Variants in PNISR observed in about 807,000 individuals in gnomAD.
PNISR encodes the protein arginine/serine-rich protein PNISR.
A neutral mutation model predicts 93.4 loss-of-function variants in PNISR; 20 were observed. The ratio of observed to expected loss-of-function variants is 0.21; its 90% CI spans 0.15 to 0.31. The LOEUF is 0.31. Among genes scored for constraint, PNISR ranks in the 10% least tolerant of loss-of-function variants. The pLI is 1.00. For missense variants in PNISR, 893 were observed against 985.4 expected (o/e 0.91, Z 1.25); for synonymous variants, 305 against 306.5 (o/e 0.99, Z 0.05).
intron 2 of PNISR, chr6:99,415,953 A>C (rs1777636012): frequency 6.5e-6 from 1 of 153,674 alleles, no homozygotes; most frequent in African/African-American, 2.4e-5. Flanking sequence ...CTAATCCCTC[A>C]AATGAAGAAC....
chr6:99,418,287 G>A (rs1015414926), intron 1 of PNISR, among the ~76,000 whole-genome samples: 3 of 151,478 alleles, frequency 2.0e-5, no homozygotes, highest in Non-Finnish European at 4.4e-5. Flanking sequence ...ACAGCTGCTC[G>A]CCACCAAGCC....
chr6:99,405,931 G>T, intron 8 of PNISR, 100 bp downstream of exon 8: 1 of 686,696 alleles, frequency 1.5e-6, no homozygotes, highest in Non-Finnish European at 2.4e-6. Flanking sequence ...AATAATACTG[G>T]TCAGCAGTTC....
intron 3 of PNISR, among the ~76,000 whole-genome samples, chr6:99,413,094 CAA>C (rs10708616): frequency 9.9e-5 from 15 of 151,624 alleles, no homozygotes; most frequent in Non-Finnish European, 1.5e-4. Flanking sequence ...ATCACCTTTA[CAA>C]AAAAAAAATC....
Position 99,401,169 on chromosome 6 carries a change from ATCTCCT to A in PNISR, c.1783_1788del (p.Arg595_Arg596del). 6.2e-7 allele frequency: 1 copy of A among 1,613,746 alleles called. No homozygotes were observed. Among genetic ancestry groups the A allele is most frequent in the Non-Finnish European group, 8.5e-7 (1 of 1,179,794 alleles). On this transcript the variant is annotated inframe_deletion, in exon 12 of 12. Coordinates refer to ENST00000369239, the MANE Select transcript of PNISR (RefSeq NM_032870.4). ...TCTCTTTCAATGCTATTTCTATTAG[ATCTCCT>A]TCTATCTCTAATCTTTACCCTAGCC...
intron 8 of PNISR, 109 bp from the exon 9 acceptor site, chr6:99,404,811 C>T: frequency 1.7e-6 from 1 of 603,822 alleles, no homozygotes; most frequent in Non-Finnish European, 2.9e-6. Context: ...GACAGTCTCA[C>T]TCTGTTGCCC....
intron 1 of PNISR, among the ~76,000 whole-genome samples, chr6:99,423,458 A>T (rs1237957294): frequency 4.6e-5 from 7 of 152,132 alleles, no homozygotes; most frequent in African/African-American, 1.7e-4. Flanking sequence ...TTCCAAAGAG[A>T]ACAGTATAAA....
At chr6:99,408,969 A>G (rs6570046) in intron 6 of PNISR, among the ~76,000 whole-genome samples, 146,224 of 152,300 alleles carry the variant, frequency 0.96, 70,477 homozygotes, top group East Asian at 1. Context: ...AATTTAATGT[A>G]AAGGTTTAAA....
chr6:99,408,141 T>A lies in PNISR; in HGVS notation c.804A>T (p.Lys268Asn). The change falls in exon 7 of 12, where the codon AAA (lysine) becomes AAT (asparagine). Residue 268 changes from lysine to asparagine, a missense_variant. By Grantham distance (94) the Lys-to-Asn change is moderately conservative. This residue lies in a region of PNISR where 866 missense variants were observed against 935.1 expected (regional missense o/e 0.93). Coordinates refer to ENST00000369239, the MANE Select transcript of PNISR (RefSeq NM_032870.4). Reference protein sequence around the residue: ...QQRSQLSKKEKKATEDAEGGD... With the variant: ...QQRSQLSKKENKATEDAEGGD... ...CTCCTTCAGCATCTTCTGTGGCCTT[T>A]TTTTCTTTTTTGGACAATTGTGAAC... The A allele has an allele frequency of 1.2e-6, 2 of 1,612,718 alleles. No individual in the cohort carries two copies. Among genetic ancestry groups the A allele is most frequent in the Non-Finnish European group, 1.7e-6 (2 of 1,179,662 alleles).
chr6:99,408,815 G>T (rs1263149064), intron 6 of PNISR, among the ~76,000 whole-genome samples: 2 of 152,188 alleles, frequency 1.3e-5, no homozygotes, highest in Admixed American at 6.5e-5. Context: ...TGCATCAGAT[G>T]AACTAAGAGT....
chr6:99,409,421 G>T, intron 5 of PNISR, 77 bp from the exon 6 acceptor site: 1 of 1,311,970 alleles, frequency 7.6e-7, no homozygotes, highest in Non-Finnish European at 1.1e-6. Flanking sequence ...GTTATGAACT[G>T]GGACAGTAGA....
intron 1 of PNISR, among the ~76,000 whole-genome samples, chr6:99,419,998 C>T (rs1297656015): frequency 1.3e-5 from 2 of 151,926 alleles, no homozygotes; most frequent in East Asian, 3.9e-4. Context: ...CATTCTCCTG[C>T]CTCAGCCTCC....
At chr6:99,405,467 CATAA>C (rs919380337) in intron 8 of PNISR, among the ~76,000 whole-genome samples, 4 of 151,928 alleles carry the variant, frequency 2.6e-5, no homozygotes, top group Non-Finnish European at 4.4e-5. Flanking sequence ...ACTCCATCTC[CATAA>C]ATAAATAAAT....
chr6:99,400,604 T>C lies in PNISR; in HGVS notation c.2354A>G (p.Glu785Gly). The C allele has an allele frequency of 6.2e-7, 1 of 1,614,120 alleles. No homozygotes were observed. The highest frequency in any genetic ancestry group is 8.5e-7 in the Non-Finnish European group (1 of 1,179,996). ...CTTCTTACCAGACCTTTGAGATTTCTCCACGGATCGCGATCGACTATGTTT... is the reference window on the plus strand; with the variant it reads ...CTTCTTACCAGACCTTTGAGATTTCCCCACGGATCGCGATCGACTATGTTT... ...KPKHSRSRSV[E>G]KSQRSGKKAS... Residue 785 changes from glutamate to glycine, a missense_variant, in exon 12 of 12, where the codon GAG becomes GGG. By Grantham distance (98) the Glu-to-Gly change is moderately conservative (BLOSUM62 -2). Coordinates refer to ENST00000369239, the MANE Select transcript of PNISR (RefSeq NM_032870.4).
Position 99,412,531 on chromosome 6 carries a change from T to C in PNISR, c.277+20A>G, listed in dbSNP as rs1475626507. 6.6e-7 allele frequency: 1 copy of C among 1,526,448 alleles called. No homozygotes were observed. Among genetic ancestry groups the C allele is most frequent in the East Asian group, 2.3e-5 (1 of 44,312 alleles). 94.6% of individuals were successfully genotyped at this position (1,526,448 alleles called of 1,614,324 possible). ...CTGTTTTTTAAAAGTCTTAAAATTGTGAAAACATAAACAACAAACCTGGTT... is the reference window on the plus strand; with the variant it reads ...CTGTTTTTTAAAAGTCTTAAAATTGCGAAAACATAAACAACAAACCTGGTT... On this transcript the variant is annotated intron_variant, in intron 4 of 11. Coordinates refer to ENST00000369239, the MANE Select transcript of PNISR (RefSeq NM_032870.4).
At chr6:99,411,365 G>A (rs1335727455) in intron 4 of PNISR, among the ~76,000 whole-genome samples, 1 of 152,076 alleles carries the variant, frequency 6.6e-6, no homozygotes, top group African/African-American at 2.4e-5. Flanking sequence ...GAGAAATTAG[G>A]TATTATTTTT....
At chr6:99,422,238 G>T (rs553544775) in intron 1 of PNISR, among the ~76,000 whole-genome samples, 4 of 152,202 alleles carry the variant, frequency 2.6e-5, no homozygotes, top group African/African-American at 7.2e-5. Context: ...TTAAAATGTG[G>T]TATTTTAAAG....
chr6:99,404,097 A>G (rs1055153141), intron 9 of PNISR: 3 of 527,062 alleles, frequency 5.7e-6, no homozygotes, highest in African/African-American at 1.9e-5. Context: ...ATGAGAAAAA[A>G]TGTTGACAGG....
chr6:99,408,585 G>C (rs1776450673), intron 6 of PNISR, among the ~76,000 whole-genome samples: 1 of 152,160 alleles, frequency 6.6e-6, no homozygotes, highest in African/African-American at 2.4e-5. Context: ...AAGGAGTAAA[G>C]TTAGAATCTT....
At chr6:99,404,421 A>C in intron 9 of PNISR, 182 bp downstream of exon 9, 1 of 627,244 alleles carries the variant, frequency 1.6e-6, no homozygotes, top group African/African-American at 1.8e-5. Flanking sequence ...AGGTCAGATA[A>C]AACAAAAATA....
Sources: allele counts gnomAD v4.1 joint callset (sites outside exome capture counted in the v4.1 genomes callset), GRCh38; gene constraint gnomAD v4.1.1; regional missense constraint gnomAD v4.1.1; transcripts MANE v1.5; gene names NCBI Gene and HGNC (gene_info 2026-07-23, HGNC 2026-07-21).